Variants in CPED1 observed in about 807,000 individuals in gnomAD.
CPED1 encodes the protein cadherin-like and PC-esterase domain-containing protein 1.
Under a neutral mutation model 128.2 loss-of-function variants are expected in CPED1, and 114 were observed. The ratio of observed to expected loss-of-function variants is 0.89; its 90% CI spans 0.76 to 1.04. The LOEUF is 1.04. Among genes scored for constraint, CPED1 ranks in the 50% least tolerant of loss-of-function variants. The probability of loss-of-function intolerance (pLI) is 0.00; values close to 1 mark genes in which losing one functional copy is unlikely to be tolerated. For synonymous variants in CPED1, 462 were observed against 426.7 expected, an observed-to-expected ratio of 1.08 and a Z score of -1.02; for missense variants, 1,211 against 1,207.1, an observed-to-expected ratio of 1.00 and a Z score of -0.05.
intron 16 of CPED1, among the ~76,000 whole-genome samples, chr7:121,214,752 T>C (rs1216805765): frequency 6.6e-6 from 1 of 152,102 alleles, no homozygotes; most frequent in Non-Finnish European, 1.5e-5. Flanking sequence ...TAACTTTTAA[T>C]TTCACAATGC....
chr7:121,112,516 T>G (rs893494628), intron 7 of CPED1, among the ~76,000 whole-genome samples: 1 of 152,176 alleles, frequency 6.6e-6, no homozygotes, highest in Non-Finnish European at 1.5e-5. Context: ...GAATGAATTG[T>G]CCCTAACAGC....
intron 3 of CPED1, among the ~76,000 whole-genome samples, chr7:121,035,610 G>T (rs1432017188): frequency 6.6e-6 from 1 of 152,010 alleles, no homozygotes; most frequent in Non-Finnish European, 1.5e-5. Flanking sequence ...GAGGTGGGAG[G>T]ATTGTGTGAG....
At position 121,097,766 on chromosome 7, in the gene CPED1, G is replaced by C. The variant is rs770313461; in HGVS notation, c.684G>C (p.Ser228=). The C allele has an allele frequency of 6.2e-6, 10 of 1,613,818 alleles. No individual in the cohort carries two copies. Among genetic ancestry groups the C allele is most frequent in the Non-Finnish European group, 7.6e-6 (9 of 1,179,812 alleles). Residue 228 remains serine (S), a synonymous_variant, in exon 6 of 23, where the codon TCG becomes TCC. Coordinates refer to ENST00000310396, the MANE Select transcript of CPED1 (RefSeq NM_024913.5). The part of the protein sequence containing the change: ...DQGMQLKPST[S]SHLLKTVKPR... ...GAATGCAATTAAAGCCGAGTACTTCGAGTCACCTTTTAAAAACAGTGAAGC... is the reference window on the plus strand; with the variant it reads ...GAATGCAATTAAAGCCGAGTACTTCCAGTCACCTTTTAAAAACAGTGAAGC...
chr7:121,232,867 C>G (rs1400204531), intron 16 of CPED1, among the ~76,000 whole-genome samples: 2 of 152,024 alleles, frequency 1.3e-5, no homozygotes, highest in Non-Finnish European at 2.9e-5. Flanking sequence ...GAAATAATTC[C>G]ATGGGGTCAA....
chr7:121,149,245 T>C (rs1481152828), intron 16 of CPED1, among the ~76,000 whole-genome samples: 1 of 151,720 alleles, frequency 6.6e-6, no homozygotes, highest in Non-Finnish European at 1.5e-5. Flanking sequence ...ACATTTTGAA[T>C]GCATAGACCT....
chr7:121,018,203 A>G (rs1361892647), intron 3 of CPED1, among the ~76,000 whole-genome samples: 1 of 152,180 alleles, frequency 6.6e-6, no homozygotes, highest in Non-Finnish European at 1.5e-5. Flanking sequence ...GTATAAAAAG[A>G]AAACATTTTT....
Position 121,140,870 on chromosome 7 carries a change from A to G in CPED1, c.1743A>G (p.Pro581=), listed in dbSNP as rs1795886042. 1.2e-6 allele frequency: 2 copies of G among 1,612,424 alleles called. No individual in the cohort carries two copies. Among genetic ancestry groups the G allele is most frequent in the Non-Finnish European group, 1.7e-6 (2 of 1,179,120 alleles). ...ATATCAAGCAGATCTTCACACATCC[A>G]CATTTGGAACTAAATCCTGACTTTC... ...PCHIKQIFTH[P]HLELNPDFHP... is the part of the protein sequence containing the mutation. The change falls in exon 15 of 23, where the codon CCA becomes CCG. Residue 581 remains proline, a synonymous_variant. Coordinates refer to ENST00000310396, the MANE Select transcript of CPED1 (RefSeq NM_024913.5).
At chr7:121,125,578 G>C (rs1795483021) in intron 8 of CPED1, among the ~76,000 whole-genome samples, 1 of 152,014 alleles carries the variant, frequency 6.6e-6, no homozygotes, top group Admixed American at 6.6e-5. Context: ...TTCTGTTCCT[G>C]GGTTAGTTTG....
chr7:121,077,097 G>T (rs1794146966), intron 5 of CPED1, among the ~76,000 whole-genome samples: 1 of 152,024 alleles, frequency 6.6e-6, no homozygotes, highest in Non-Finnish European at 1.5e-5. Flanking sequence ...TGAAACTTGG[G>T]AGAGTTCAGT....
chr7:121,096,234 C>T (rs1462370966), intron 5 of CPED1, among the ~76,000 whole-genome samples: 1 of 152,030 alleles, frequency 6.6e-6, no homozygotes, highest in African/African-American at 2.4e-5. Context: ...GGAGGAAGAT[C>T]ACACTGTGCT....
chr7:121,260,381 C>T (rs1230318956), intron 18 of CPED1, among the ~76,000 whole-genome samples: 1 of 151,862 alleles, frequency 6.6e-6, no homozygotes, highest in Non-Finnish European at 1.5e-5. Flanking sequence ...TTTATTGTAA[C>T]CGCATCACAT....
intron 16 of CPED1, among the ~76,000 whole-genome samples, chr7:121,164,484 G>A (rs1355203106): frequency 6.6e-6 from 1 of 152,116 alleles, no homozygotes; most frequent in African/African-American, 2.4e-5. Context: ...AAATTTCCCA[G>A]AGGGCTTATT....
chr7:121,127,207 T>C lies in CPED1; in HGVS notation c.1252T>C (p.Ser418Pro). ...TCTCTTCCCTAATGAATCATCACTT[T>C]CCATATTTTCTGAGATATTTCAGAG... ...NFLFPNESSL[S>P]IFSEIFQRLY... The change falls in exon 10 of 23, where the codon TCC becomes CCC. Residue 418 changes from serine to proline, a missense_variant. By Grantham distance (74) the Ser-to-Pro change is moderately conservative. Transcript: ENST00000310396. 6.3e-7 allele frequency: 1 copy of C among 1,593,718 alleles called. No homozygotes were observed. Among genetic ancestry groups the C allele is most frequent in the African/African-American group, 1.3e-5 (1 of 74,464 alleles).
intron 2 of CPED1, among the ~76,000 whole-genome samples, chr7:121,009,606 C>CAAAAA (rs372071345): frequency 2.2e-5 from 2 of 90,746 alleles, no homozygotes; most frequent in African/African-American, 4.3e-5. Context: ...GCCCCTGTCT[C>CAAAAA]AAAAAAAAAA....
intron 16 of CPED1, among the ~76,000 whole-genome samples, chr7:121,159,263 G>C (rs1267533834): frequency 6.6e-6 from 1 of 152,094 alleles, no homozygotes; most frequent in Non-Finnish European, 1.5e-5. Context: ...GTTTCAGAAA[G>C]AGAAAAAGAC....
chr7:120,999,674 T>C lies in CPED1; in HGVS notation c.249+9804T>C, dbSNP rs531827314. Among the ~76,000 whole-genome samples, 6 of 152,300 alleles carry C rather than the reference T, an allele frequency of 3.9e-5. No homozygotes were observed. The South Asian group carries it at 1.2e-3, about 32-fold the overall frequency. ...CTCTCAAGAGATGTTATCAACACAC[T>C]AACAGGTACGCAACTTCCATAGAAT... On this transcript the variant is annotated intron_variant, in intron 2 of 22. Coordinates refer to ENST00000310396, the MANE Select transcript of CPED1 (RefSeq NM_024913.5).
chr7:121,068,032 A>G (rs1306752759), intron 5 of CPED1, among the ~76,000 whole-genome samples: 1 of 152,192 alleles, frequency 6.6e-6, no homozygotes, highest in East Asian at 1.9e-4. Context: ...TCAGATAAGT[A>G]GATTGCAAAA....
chr7:121,159,712 A>G (rs1338108066), intron 16 of CPED1, among the ~76,000 whole-genome samples: 1 of 152,132 alleles, frequency 6.6e-6, no homozygotes, highest in Non-Finnish European at 1.5e-5. Flanking sequence ...ACAATTAGCT[A>G]ACACTCTGTT....
intron 2 of CPED1, among the ~76,000 whole-genome samples, chr7:121,006,649 T>C (rs1792023382): frequency 6.6e-6 from 1 of 152,136 alleles, no homozygotes; most frequent in South Asian, 2.1e-4. Context: ...GTTCTCTTTA[T>C]CTTTTCAAGT....
Sources: allele counts gnomAD v4.1 joint callset (sites outside exome capture counted in the v4.1 genomes callset), GRCh38; gene constraint gnomAD v4.1.1; transcripts MANE v1.5; gene names NCBI Gene and HGNC (gene_info 2026-07-23, HGNC 2026-07-21).